SRRM4: variants seen among roughly 807,000 people sequenced by gnomAD.
The protein encoded by SRRM4 is serine/arginine repetitive matrix protein 4.
Under a neutral mutation model 68.9 loss-of-function variants are expected in SRRM4, and 33 were observed. The observed-to-expected ratio is 0.48, with a 90% CI of 0.36 to 0.64. The LOEUF is 0.64. Ranked by LOEUF, SRRM4 falls within the 30% of genes least tolerant of loss-of-function variation. SRRM4 has a pLI of 0.00. For missense variants in SRRM4, 817 were observed against 827.1 expected (o/e 0.99, Z 0.15); for synonymous variants, 318 against 318.8 (o/e 1.00, Z 0.03).
chr12:119,051,091 T>C (rs920510216), intron 1 of SRRM4, among the ~76,000 whole-genome samples: 6 of 152,136 alleles, frequency 3.9e-5, no homozygotes, highest in African/African-American at 1.4e-4. Flanking sequence ...TTGTCACAAC[T>C]GAGGGATTGC....
At position 119,041,159 on chromosome 12, in the gene SRRM4, CT is replaced by C. The variant is rs533009498; in HGVS notation, c.131+59147del. ...TCTGTGAAAGGTACTCGTATTACCC[CT>C]GTCCTTCAAATGAGGAAACCAAGGC... On this transcript the variant is annotated intron_variant, in intron 1 of 12. Transcript: ENST00000267260. Among the ~76,000 whole-genome samples the C allele has an allele frequency of 3.9e-4, 60 of 152,246 alleles. No individual in the cohort carries two copies. The South Asian group carries it at 0.012, about 31-fold the overall frequency.
intron 1 of SRRM4, among the ~76,000 whole-genome samples, chr12:119,070,520 C>T (rs1953872031): frequency 6.6e-6 from 1 of 152,034 alleles, no homozygotes; most frequent in South Asian, 2.1e-4. Flanking sequence ...AAATTACCAC[C>T]CCCTGCCGCA....
At chr12:119,129,898 TG>T (rs2136057229) in intron 7 of SRRM4, among the ~76,000 whole-genome samples, 2 of 150,376 alleles carry the variant, frequency 1.3e-5, no homozygotes, top group East Asian at 2.0e-4. Flanking sequence ...GATGGATGGA[TG>T]GATGGATGGA....
Position 119,037,434 on chromosome 12 carries a change from A to T in SRRM4, c.131+55421A>T, listed in dbSNP as rs1159191310. On this transcript the variant is annotated intron_variant, in intron 1 of 12. Transcript: ENST00000267260. ...GTGTCACCGGCCCTTCAGAATGAGG[A>T]TTGGATTTCTGTTGAATTTTTTATG... Among the ~76,000 whole-genome samples the T allele has an allele frequency of 2.6e-5, 4 of 152,034 alleles. No homozygotes were observed. In the East Asian group the frequency reaches 5.8e-4, roughly 22 times the overall value.
At chr12:118,996,293 G>T (rs1233485042) in intron 1 of SRRM4, among the ~76,000 whole-genome samples, 1 of 152,100 alleles carries the variant, frequency 6.6e-6, no homozygotes, top group Non-Finnish European at 1.5e-5. Context: ...CTTCTCTGAG[G>T]TCTTTTGCTG....
rs1027531778 is a variant in SRRM4 at position 119,161,675 on chromosome 12, T to C, written c.*4877T>C. On this transcript the variant is annotated 3_prime_UTR_variant, in exon 13 of 13. Coordinates refer to ENST00000267260, the MANE Select transcript of SRRM4 (RefSeq NM_194286.4). ...TCTCCCAGCTCCAGGTGCTGCTGTC[T>C]GCAGCAAGGGCATTACTGCCCAGGT... 3.9e-5 allele frequency: 6 copies of C among 152,652 alleles called. No individual in the cohort carries two copies. The allele number at this position is 152,652 out of a possible 1,614,324, so 9.5% of individuals were successfully genotyped here.
At chr12:119,102,551 C>A (rs757612541) in intron 2 of SRRM4, among the ~76,000 whole-genome samples, 169 bp downstream of exon 2, 3 of 152,142 alleles carry the variant, frequency 2.0e-5, no homozygotes, top group Admixed American at 6.5e-5. Flanking sequence ...TTTGTAGACC[C>A]AGTGGTTTCT....
intron 1 of SRRM4, among the ~76,000 whole-genome samples, chr12:119,101,073 G>T (rs1276138052): frequency 6.6e-6 from 1 of 152,210 alleles, no homozygotes; most frequent in Non-Finnish European, 1.5e-5. Context: ...GGAGCAGGGG[G>T]CTTATCAGAT....
In SRRM4 at chr12:119,016,597, T is replaced by G. The variant is rs150988625; in HGVS notation, c.131+34584T>G. Among the ~76,000 whole-genome samples the G allele has an allele frequency of 3.2e-3, 488 of 152,344 alleles. 8 individuals carry two copies. The highest frequency in any genetic ancestry group is 0.011 in the African/African-American group (455 of 41,574). ...ACCAGGAGACTCAAATACAAATTTA[T>G]GGTTCAACACTCGTTACCCTGGGAA... On this transcript the variant is annotated intron_variant, in intron 1 of 12. Coordinates refer to ENST00000267260, the MANE Select transcript of SRRM4 (RefSeq NM_194286.4).
intron 1 of SRRM4, among the ~76,000 whole-genome samples, chr12:119,039,531 C>A (rs1481071388): frequency 2.0e-5 from 3 of 152,058 alleles, no homozygotes; most frequent in Admixed American, 1.3e-4. Context: ...AAGTTTGAAC[C>A]AATATGCAGG....
chr12:119,114,660 CTTTTTTTTTTTT>C (rs68020424), intron 3 of SRRM4, among the ~76,000 whole-genome samples: 3,499 of 101,538 alleles, frequency 0.034, 70 homozygotes, highest in Middle Eastern at 0.049. Flanking sequence ...GAAGCATAGT[CTTTTTTTTTTTT>C]TTTTTTTTTT....
At chr12:119,128,443 C>A (rs186354074) in intron 7 of SRRM4, among the ~76,000 whole-genome samples, 1 of 152,274 alleles carries the variant, frequency 6.6e-6, no homozygotes, top group Admixed American at 6.5e-5. Flanking sequence ...CTCCCCAAAC[C>A]ACCTATCACC....
At chr12:119,070,517 C>T (rs531422853) in intron 1 of SRRM4, among the ~76,000 whole-genome samples, 103 of 152,158 alleles carry the variant, frequency 6.8e-4, no homozygotes, top group African/African-American at 2.4e-3. Flanking sequence ...TCCAAATTAC[C>T]ACCCCCTGCC....
At position 119,153,651 on chromosome 12, in the gene SRRM4, T is replaced by C. The variant is rs1954453792; in HGVS notation, c.1391+2T>C. 1.3e-6 allele frequency: 2 copies of C among 1,547,916 alleles called. No homozygotes were observed. Among genetic ancestry groups the C allele is most frequent in the South Asian group, 1.2e-5 (1 of 84,172 alleles). ...CTACTCCCGCTACAGCCCCAGCAGG[T>C]ACCGGCCCCGCCCCTCAAACTAGGC... On this transcript the variant is annotated splice_donor_variant, in intron 11 of 12. Transcript: ENST00000267260. LOFTEE classifies it high-confidence loss of function.
intron 5 of SRRM4, among the ~76,000 whole-genome samples, chr12:119,121,718 A>G (rs976816862): frequency 6.6e-6 from 1 of 152,220 alleles, no homozygotes; most frequent in African/African-American, 2.4e-5. Context: ...TGTGGAGAGA[A>G]TAAAATGAAG....
At position 119,028,391 on chromosome 12, in the gene SRRM4, C is replaced by T. The variant is rs371339740; in HGVS notation, c.131+46378C>T. Among the ~76,000 whole-genome samples the T allele has an allele frequency of 3.9e-5, 6 of 152,188 alleles. No homozygotes were observed. The East Asian group carries it at 7.7e-4, about 20-fold the overall frequency. On this transcript the variant is annotated intron_variant, in intron 1 of 12. Coordinates refer to ENST00000267260, the MANE Select transcript of SRRM4 (RefSeq NM_194286.4). ...ATTGAATCATGGGGGCAGGTCTTTTCGTGCTAGTCTCATGATAGTGAATAA... is the reference window on the plus strand; with the variant it reads ...ATTGAATCATGGGGGCAGGTCTTTTTGTGCTAGTCTCATGATAGTGAATAA...
chr12:119,153,549 C>A lies in SRRM4; in HGVS notation c.1291C>A (p.Arg431Ser). Residue 431 changes from arginine to serine, a missense_variant, in exon 11 of 13, where the codon CGC (arginine) becomes AGC (serine). By Grantham distance (110) the Arg-to-Ser change is moderately radical. Coordinates refer to ENST00000267260, the MANE Select transcript of SRRM4 (RefSeq NM_194286.4). ...STSSEKRSYSRSPSYSSKSGK... is the reference protein window; with the variant it reads ...STSSEKRSYSSSPSYSSKSGK... ...TTACCTCTCCCCCAGGTCCTACTCC[C>A]GCTCTCCCAGCTATTCCTCCAAGTC... 6.4e-7 allele frequency: 1 copy of A among 1,569,196 alleles called. No homozygotes were observed. Among genetic ancestry groups the A allele is most frequent in the Non-Finnish European group, 8.6e-7 (1 of 1,157,562 alleles).
At chr12:119,019,025 C>T (rs1325437271) in intron 1 of SRRM4, among the ~76,000 whole-genome samples, 2 of 152,122 alleles carry the variant, frequency 1.3e-5, no homozygotes, top group African/African-American at 2.4e-5. Context: ...GGAACTTTCC[C>T]AGAACTGAAC....
chr12:119,145,692 G>A lies in SRRM4; in HGVS notation c.1076+7G>A, dbSNP rs1954397809. 1 of 1,508,082 alleles carries A rather than the reference G, an allele frequency of 6.6e-7. No homozygotes were observed. The highest frequency in any genetic ancestry group is 2.3e-5 in the Admixed American group (1 of 43,134). The allele number at this position is 1,508,082 out of a possible 1,614,324, so 93.4% of individuals were successfully genotyped here. A position where few individuals can be genotyped will look rare whatever the true frequency, so the allele number is the denominator to read the frequency against. On this transcript the variant is annotated splice_region_variant and intron_variant, in intron 9 of 12. Coordinates refer to ENST00000267260, the MANE Select transcript of SRRM4 (RefSeq NM_194286.4). Reference sequence around the variant, plus strand: ...GCAGGGGCAGAGAGTCAAGGTCAGTGCACCACACAGGGTCGGGGGTAGACG... The same window carrying A: ...GCAGGGGCAGAGAGTCAAGGTCAGTACACCACACAGGGTCGGGGGTAGACG...
Sources: allele counts gnomAD v4.1 joint callset (sites outside exome capture counted in the v4.1 genomes callset), GRCh38; gene constraint gnomAD v4.1.1; transcripts MANE v1.5; gene names NCBI Gene and HGNC (gene_info 2026-07-23, HGNC 2026-07-21).